The following GABRB2 variants were observed in gnomAD, a reference collection of about 807,000 sequenced individuals.
GABRB2 encodes the protein gamma-aminobutyric acid receptor subunit beta-2.
In GABRB2, 16 loss-of-function variants were observed where a neutral mutation model predicts 54.7. That is an observed-to-expected ratio of 0.29 (90% CI 0.20 to 0.44). The LOEUF is 0.44. Ranked by LOEUF, GABRB2 falls within the 20% of genes least tolerant of loss-of-function variation. GABRB2 has a pLI of 1.00. For synonymous variants in GABRB2, 244 were observed against 233.8 expected (o/e 1.04, Z -0.40); for missense variants, 355 against 644.0 (o/e 0.55, Z 4.86).
chr5:161,321,308 A>C (rs558848914), intron 9 of GABRB2, among the ~76,000 whole-genome samples: 92 of 152,244 alleles, frequency 6.0e-4, no homozygotes, highest in African/African-American at 2.1e-3. Context: ...ATACCACTGC[A>C]TAATTTTAGT....
intron 3 of GABRB2, among the ~76,000 whole-genome samples, chr5:161,521,029 C>T (rs1357478257): frequency 6.6e-6 from 1 of 152,018 alleles, no homozygotes; most frequent in East Asian, 1.9e-4. Context: ...CCATGATTTA[C>T]AACACTTAAT....
chr5:161,518,310 A>T (rs2113423114), intron 3 of GABRB2, among the ~76,000 whole-genome samples: 1 of 152,298 alleles, frequency 6.6e-6, no homozygotes, highest in Non-Finnish European at 1.5e-5. Context: ...CAATGGCTTA[A>T]AAAATGAATT....
intron 9 of GABRB2, among the ~76,000 whole-genome samples, chr5:161,322,496 A>G (rs1758241292): frequency 6.6e-6 from 1 of 152,226 alleles, no homozygotes; most frequent in Non-Finnish European, 1.5e-5. Context: ...TCAGTCTCCC[A>G]AAGTGCTGGG....
At chr5:161,426,219 A>C (rs1756994583) in intron 4 of GABRB2, among the ~76,000 whole-genome samples, 1 of 152,158 alleles carries the variant, frequency 6.6e-6, no homozygotes, top group Non-Finnish European at 1.5e-5. Context: ...GCTAATATGC[A>C]AAAGGTCCTT....
At chr5:161,315,958 G>T (rs1419854861) in intron 9 of GABRB2, among the ~76,000 whole-genome samples, 1 of 152,110 alleles carries the variant, frequency 6.6e-6, no homozygotes, top group Non-Finnish European at 1.5e-5. Flanking sequence ...AGGGAAACTT[G>T]TTAAAGCGAA....
At chr5:161,423,975 G>C (rs1756925423) in intron 4 of GABRB2, among the ~76,000 whole-genome samples, 1 of 152,076 alleles carries the variant, frequency 6.6e-6, no homozygotes, top group East Asian at 1.9e-4. Flanking sequence ...CACATTAAGG[G>C]AATCAGCTTA....
chr5:161,477,883 A>G (rs1758643937), intron 3 of GABRB2, among the ~76,000 whole-genome samples: 1 of 151,958 alleles, frequency 6.6e-6, no homozygotes, highest in Non-Finnish European at 1.5e-5. Flanking sequence ...CTCAAGATTG[A>G]TGGCACAACT....
chr5:161,514,788 C>T (rs1264037805), intron 3 of GABRB2, among the ~76,000 whole-genome samples: 2 of 152,188 alleles, frequency 1.3e-5, no homozygotes, highest in Admixed American at 6.6e-5. Flanking sequence ...TTCTAGTCAT[C>T]TCAAGCCTTC....
At chr5:161,421,709 A>G (rs1226989639) in intron 4 of GABRB2, among the ~76,000 whole-genome samples, 1 of 152,192 alleles carries the variant, frequency 6.6e-6, no homozygotes, top group Admixed American at 6.5e-5. Context: ...AATTAAACAA[A>G]TACATCCACA....
chr5:161,505,780 T>C (rs753262322), intron 3 of GABRB2, among the ~76,000 whole-genome samples: 1 of 152,110 alleles, frequency 6.6e-6, no homozygotes, highest in Admixed American at 6.5e-5. Context: ...CAATTATAAA[T>C]AGGATGGAAT....
chr5:161,359,928 G>A (rs1194310173), intron 5 of GABRB2, among the ~76,000 whole-genome samples: 1 of 151,994 alleles, frequency 6.6e-6, no homozygotes, highest in Admixed American at 6.6e-5. Context: ...TAAAAATACA[G>A]AAATTAGCTG....
intron 9 of GABRB2, among the ~76,000 whole-genome samples, chr5:161,325,075 T>C (rs1343343090): frequency 6.6e-6 from 1 of 152,124 alleles, no homozygotes; most frequent in African/African-American, 2.4e-5. Context: ...TGTTTGATTT[T>C]CGTTTTCAGA....
intron 3 of GABRB2, among the ~76,000 whole-genome samples, chr5:161,527,732 T>C (rs1284753071): frequency 6.6e-6 from 1 of 151,612 alleles, no homozygotes; most frequent in African/African-American, 2.4e-5. Context: ...GTGTCTGAGA[T>C]AGTTAACTGG....
At chr5:161,520,228 T>G (rs1561680512) in intron 3 of GABRB2, among the ~76,000 whole-genome samples, 1 of 152,098 alleles carries the variant, frequency 6.6e-6, no homozygotes, top group Non-Finnish European at 1.5e-5. Flanking sequence ...TGGTAGTAGG[T>G]TAAGCGCTGT....
chr5:161,528,833 A>T (rs1760367204), intron 3 of GABRB2, among the ~76,000 whole-genome samples: 1 of 151,906 alleles, frequency 6.6e-6, no homozygotes. Context: ...ACAACAGATT[A>T]TTCCCGATCT....
At position 161,500,481 on chromosome 5, in the gene GABRB2, A is replaced by G. The variant is rs530674067; in HGVS notation, c.238-40637T>C. On this transcript the variant is annotated intron_variant, in intron 3 of 9. Coordinates refer to ENST00000393959, the MANE Select transcript of GABRB2 (RefSeq NM_001371727.1). The stretch of plus-strand genomic sequence containing the variant: ...ATATTAAGTGCCTATTATTTTGTGT[A>G]ATCTGTAACAGGGAATTGGTTAATA... Among the ~76,000 whole-genome samples, 222 of 152,226 alleles carry G rather than the reference A, an allele frequency of 1.5e-3. 1 individual carries two copies. The highest frequency in any genetic ancestry group is 5.2e-3 in the African/African-American group (216 of 41,552).
intron 5 of GABRB2, among the ~76,000 whole-genome samples, chr5:161,390,014 A>G (rs1023836695): frequency 6.6e-6 from 1 of 152,080 alleles, no homozygotes; most frequent in African/African-American, 2.4e-5. Flanking sequence ...TTTGACAATA[A>G]CAGTAGGCAA....
chr5:161,470,102 C>T (rs533959215), intron 3 of GABRB2, among the ~76,000 whole-genome samples: 9 of 151,490 alleles, frequency 5.9e-5, no homozygotes, highest in South Asian at 4.2e-4. Flanking sequence ...AATTGCTGCC[C>T]CTCTTTCCTG....
chr5:161,463,165 C>T (rs578081948), intron 3 of GABRB2, among the ~76,000 whole-genome samples: 5 of 151,774 alleles, frequency 3.3e-5, no homozygotes, highest in East Asian at 1.9e-4. Context: ...AAATTCTGGA[C>T]GAAATAAAAC....
Sources: allele counts gnomAD v4.1 joint callset (sites outside exome capture counted in the v4.1 genomes callset), GRCh38; gene constraint gnomAD v4.1.1; transcripts MANE v1.5; gene names NCBI Gene and HGNC (gene_info 2026-07-23, HGNC 2026-07-21).